The following ARMC2 variants were observed in gnomAD, a reference collection of about 807,000 sequenced individuals.
The protein encoded by ARMC2 is armadillo repeat containing 2.
In ARMC2, 67 loss-of-function variants were observed where a neutral mutation model predicts 90.3. That is an observed-to-expected ratio of 0.74 (90% CI 0.61 to 0.91). ARMC2 has a LOEUF of 0.91. Ranked by LOEUF, ARMC2 falls within the 40% of genes least tolerant of loss-of-function variation. ARMC2 has a pLI of 0.00. For missense variants in ARMC2, 920 were observed against 1,030.9 expected, an observed-to-expected ratio of 0.89 and a Z score of 1.47; for synonymous variants, 393 against 393.0, an observed-to-expected ratio of 1.00 and a Z score of 0.00.
At chr6:109,009,508 C>T in the ARMC2 span, 6 of 1,203,358 alleles carry the variant, frequency 5.0e-6, no homozygotes, top group South Asian at 3.9e-5. Flanking sequence ...GAGCGCTGGG[C>T]AGCCGGCCGC....
At chr6:108,900,287 T>C (rs937130578) in intron 7 of ARMC2, among the ~76,000 whole-genome samples, 1 of 152,222 alleles carries the variant, frequency 6.6e-6, no homozygotes, top group Non-Finnish European at 1.5e-5. Flanking sequence ...GGAAATGGCC[T>C]GGGATGTGTC....
chr6:109,010,141 T>G, the ARMC2 span, among the ~76,000 whole-genome samples: 1 of 152,192 alleles, frequency 6.6e-6, no homozygotes, highest in East Asian at 1.9e-4. Flanking sequence ...TGAATCGTCT[T>G]TTTTCCTCTC....
At chr6:108,883,146 G>GCTT (rs767457707) in intron 5 of ARMC2, among the ~76,000 whole-genome samples, 13 of 152,208 alleles carry the variant, frequency 8.5e-5, no homozygotes, top group Non-Finnish European at 1.8e-4. Flanking sequence ...AGACAGGCTG[G>GCTT]CTTCTGGTTT....
chr6:108,889,365 C>T lies in ARMC2; in HGVS notation c.672-5102C>T, dbSNP rs149047456. Among the ~76,000 whole-genome samples the T allele has an allele frequency of 4.3e-3, 657 of 151,760 alleles. 13 individuals are homozygous for T. Among genetic ancestry groups the T allele is most frequent in the African/African-American group, 0.015 (626 of 41,210 alleles). On this transcript the variant is annotated intron_variant, in intron 5 of 17. Coordinates refer to ENST00000392644, the MANE Select transcript of ARMC2 (RefSeq NM_032131.6). ...TTCACCATATTGGCCAGACTGGTCT[C>T]GAACTCCTGACCTCAGGCGATCCGC...
chr6:108,876,207 G>T lies in ARMC2; in HGVS notation c.528G>T (p.Gly176=). 1 of 1,612,568 alleles carries T rather than the reference G, an allele frequency of 6.2e-7. No homozygotes were observed. The highest frequency in any genetic ancestry group is 1.1e-5 in the South Asian group (1 of 90,716). Reference sequence around the variant, plus strand: ...GGGACTCTATGGTGAAAATAAATGGGATTTATTTAACAAAATCAAATGCTA... The same window carrying T: ...GGGACTCTATGGTGAAAATAAATGGTATTTATTTAACAAAATCAAATGCTA... ...MMGDSMVKIN[G]IYLTKSNAIC... is the part of the protein sequence containing the mutation. The change falls in exon 5 of 18, where the codon GGG becomes GGT. Residue 176 remains glycine, a synonymous_variant. Coordinates refer to ENST00000392644, the MANE Select transcript of ARMC2 (RefSeq NM_032131.6).
At chr6:108,911,709 C>T (rs1773446955) in intron 9 of ARMC2, among the ~76,000 whole-genome samples, 1 of 151,900 alleles carries the variant, frequency 6.6e-6, no homozygotes, top group South Asian at 2.1e-4. Flanking sequence ...TAAGAATTGT[C>T]GACTGAAAAC....
In ARMC2 at chr6:108,953,463, A is replaced by G. The variant is rs567966394; in HGVS notation, c.1915+112A>G. 2.2e-4 allele frequency: 246 copies of G among 1,103,826 alleles called. 1 individual carries two copies. In the African/African-American group the frequency reaches 3.6e-3, roughly 16 times the overall value. The allele number at this position is 1,103,826 out of a possible 1,614,324, so 68.4% of individuals were successfully genotyped here. On this transcript the variant is annotated intron_variant, in intron 13 of 17. Coordinates refer to ENST00000392644, the MANE Select transcript of ARMC2 (RefSeq NM_032131.6). ...ATTTTATTATCACAAGTGGCTCCCTATGAGAAAGTCTTAGCTGTATGAAGG... is the reference window on the plus strand; with the variant it reads ...ATTTTATTATCACAAGTGGCTCCCTGTGAGAAAGTCTTAGCTGTATGAAGG...
intron 7 of ARMC2, among the ~76,000 whole-genome samples, chr6:108,901,523 C>T (rs12176567): frequency 0.033 from 4,953 of 152,022 alleles, 214 homozygotes; most frequent in East Asian, 0.2. Flanking sequence ...TCAAGCAATT[C>T]TTGTGCCTCT....
chr6:108,864,184 GT>G lies in ARMC2; in HGVS notation c.292-4638del, dbSNP rs532388548. ...CAGTGTACCTGTGGAGAAAATCATAGTTAATAGAAATGCACACAGAACTGCC... is the reference window on the plus strand; with the variant it reads ...CAGTGTACCTGTGGAGAAAATCATAGTAATAGAAATGCACACAGAACTGCC... On this transcript the variant is annotated intron_variant, in intron 3 of 17. Coordinates refer to ENST00000392644, the MANE Select transcript of ARMC2 (RefSeq NM_032131.6). 4.1e-3 allele frequency among the ~76,000 whole-genome samples: 617 copies of G among 151,926 alleles called. 2 individuals carry two copies. Among genetic ancestry groups the G allele is most frequent in the African/African-American group, 0.014 (578 of 41,428 alleles).
At chr6:108,981,169 C>T in the ARMC2 span, among the ~76,000 whole-genome samples, 15,242 of 151,960 alleles carry the variant, frequency 0.1, 906 homozygotes, top group Middle Eastern at 0.19. Flanking sequence ...AAAAGTCAAA[C>T]TCTCCCCTCG....
At chr6:108,961,137 C>T (rs866185482) in intron 13 of ARMC2, among the ~76,000 whole-genome samples, 1 of 152,072 alleles carries the variant, frequency 6.6e-6, no homozygotes, top group African/African-American at 2.4e-5. Context: ...ACAGACGGAT[C>T]GTGACCCCGG....
chr6:108,902,501 A>G (rs1222096319), intron 7 of ARMC2, among the ~76,000 whole-genome samples: 1 of 152,224 alleles, frequency 6.6e-6, no homozygotes, highest in East Asian at 1.9e-4. Context: ...AAACAACAAA[A>G]CACAAGTGTT....
the ARMC2 span, among the ~76,000 whole-genome samples, chr6:109,044,442 A>G: frequency 6.6e-6 from 1 of 152,004 alleles, no homozygotes; most frequent in Non-Finnish European, 1.5e-5. Context: ...CAAAGAAAAG[A>G]AAGAAAACAA....
At chr6:108,921,095 A>G (rs935159499) in intron 10 of ARMC2, among the ~76,000 whole-genome samples, 1 of 152,192 alleles carries the variant, frequency 6.6e-6, no homozygotes, top group African/African-American at 2.4e-5. Context: ...ATAATTGTGA[A>G]TAGTGGTTTC....
At chr6:109,008,697 G>T in the ARMC2 span, 2 of 817,918 alleles carry the variant, frequency 2.4e-6, no homozygotes, top group Non-Finnish European at 3.0e-6. Flanking sequence ...CTTTCAAATG[G>T]TTTCCTATTT....
chr6:109,028,496 G>T, the ARMC2 span, among the ~76,000 whole-genome samples: 1 of 152,188 alleles, frequency 6.6e-6, no homozygotes, highest in East Asian at 1.9e-4. Context: ...AGTACTGTCT[G>T]ATGAGTTTCT....
At chr6:109,001,256 CA>C in the ARMC2 span, 1 of 1,590,234 alleles carries the variant, frequency 6.3e-7, no homozygotes, top group Non-Finnish European at 8.6e-7. Context: ...TAAAAATAGG[CA>C]AAAACAATTT....
intron 5 of ARMC2, among the ~76,000 whole-genome samples, chr6:108,889,543 C>T (rs955580746): frequency 1.1e-4 from 17 of 151,896 alleles, no homozygotes; most frequent in Admixed American, 7.9e-4. Context: ...TGGGCTCAAG[C>T]GATCCTCCTG....
At chr6:108,988,146 T>C in the ARMC2 span, among the ~76,000 whole-genome samples, 3 of 152,214 alleles carry the variant, frequency 2.0e-5, no homozygotes, top group African/African-American at 7.2e-5. Flanking sequence ...TCATGTTTCT[T>C]GGAGGTTTGT....
Sources: allele counts gnomAD v4.1 joint callset (sites outside exome capture counted in the v4.1 genomes callset), GRCh38; gene constraint gnomAD v4.1.1; transcripts MANE v1.5; gene names NCBI Gene and HGNC (gene_info 2026-07-23, HGNC 2026-07-21).